The following ACP1 variants were observed in gnomAD, a reference collection of about 807,000 sequenced individuals.
ACP1 encodes acid phosphatase 1, also known as low molecular weight phosphotyrosine protein phosphatase.
ACP1 carries 23 observed loss-of-function variants against 23.4 expected under a neutral mutation model. The observed-to-expected ratio is 0.98, with a 90% CI of 0.71 to 1.39. The LOEUF (loss-of-function observed/expected upper bound fraction) is 1.39. Ranked by LOEUF, ACP1 falls within the 40% of genes most tolerant of loss-of-function variation. The probability of loss-of-function intolerance (pLI) is 0.00; values close to 1 mark genes in which losing one functional copy is unlikely to be tolerated. For missense variants in ACP1, 180 were observed against 197.7 expected, an observed-to-expected ratio of 0.91 and a Z score of 0.54; for synonymous variants, 72 against 67.2, an observed-to-expected ratio of 1.07 and a Z score of -0.35.
At chr2:266,046 A>G (rs1168067355) in intron 1 of ACP1, among the ~76,000 whole-genome samples, 1 of 152,212 alleles carries the variant, frequency 6.6e-6, no homozygotes, top group South Asian at 2.1e-4. Flanking sequence ...AAATTTTACT[A>G]TAATTTGTGT....
chr2:267,764 G>A (rs1302034420), intron 1 of ACP1, among the ~76,000 whole-genome samples: 1 of 152,212 alleles, frequency 6.6e-6, no homozygotes, highest in Non-Finnish European at 1.5e-5. Flanking sequence ...TAGGGCAGGA[G>A]TCTGCAAACT....
intron 4 of ACP1, among the ~76,000 whole-genome samples, chr2:276,779 G>A (rs548217548): frequency 2.6e-5 from 4 of 152,204 alleles, no homozygotes; most frequent in South Asian, 4.2e-4. Flanking sequence ...AGCTGCTGTC[G>A]CAAACTGTCT....
In ACP1 at chr2:271,728, G is replaced by T. The variant is rs899784109; in HGVS notation, c.44-138G>T. 4 of 730,082 alleles carry T rather than the reference G, an allele frequency of 5.5e-6. No individual in the cohort carries two copies. In the East Asian group the frequency reaches 9.8e-5, roughly 18 times the overall value. The allele number at this position is 730,082 out of a possible 1,614,324, so 45.2% of individuals were successfully genotyped here. On this transcript the variant is annotated intron_variant, in intron 1 of 5. Transcript: ENST00000272065. ...CTACCCTCACTGGTTGGACAAAGGCGTCAAAGGATAGTGTTGGCCTTTGTT... is the reference window on the plus strand; with the variant it reads ...CTACCCTCACTGGTTGGACAAAGGCTTCAAAGGATAGTGTTGGCCTTTGTT...
intron 3 of ACP1, among the ~76,000 whole-genome samples, chr2:274,418 G>A (rs974455000): frequency 2.3e-4 from 35 of 152,292 alleles, no homozygotes; most frequent in Middle Eastern, 3.4e-3. Context: ...TGTATTTTAA[G>A]TAGGTGTGTT....
At chr2:275,379 T>G in intron 4 of ACP1, 178 bp downstream of exon 4, 1 of 388,328 alleles carries the variant, frequency 2.6e-6, no homozygotes. Flanking sequence ...AATTGTCTCT[T>G]AGGTATTTAC....
intron 1 of ACP1, among the ~76,000 whole-genome samples, chr2:268,346 A>G (rs2952784): frequency 1.3e-5 from 2 of 152,254 alleles, no homozygotes; most frequent in Non-Finnish European, 2.9e-5. Context: ...TTTGGACCCT[A>G]TTGAGATTGA....
At chr2:268,607 C>T (rs1669951913) in intron 1 of ACP1, among the ~76,000 whole-genome samples, 1 of 152,118 alleles carries the variant, frequency 6.6e-6, no homozygotes, top group Admixed American at 6.5e-5. Flanking sequence ...CAGACACAGC[C>T]CCACCCTCCC....
intron 1 of ACP1, among the ~76,000 whole-genome samples, chr2:268,140 G>A (rs1482774781): frequency 6.6e-6 from 1 of 152,222 alleles, no homozygotes; most frequent in Non-Finnish European, 1.5e-5. Context: ...GAGGTGGGAA[G>A]TGATCAAATT....
At chr2:277,141 G>C in intron 5 of ACP1, 56 bp downstream of exon 5, 2 of 1,570,810 alleles carry the variant, frequency 1.3e-6, no homozygotes, top group Non-Finnish European at 1.8e-6. Flanking sequence ...TTTGTATCCT[G>C]CCATATTAAA....
intron 1 of ACP1, among the ~76,000 whole-genome samples, chr2:271,014 G>A (rs1670013746): frequency 6.6e-6 from 1 of 152,184 alleles, no homozygotes; most frequent in South Asian, 2.1e-4. Flanking sequence ...AGTAAGGATG[G>A]CCCTGATGTC....
Sources: allele counts gnomAD v4.1 joint callset (sites outside exome capture counted in the v4.1 genomes callset), GRCh38; gene constraint gnomAD v4.1.1; transcripts MANE v1.5; gene names NCBI Gene and HGNC (gene_info 2026-07-23, HGNC 2026-07-21).